The following RPS6KA4 variants were observed in gnomAD, a reference collection of about 807,000 sequenced individuals.
RPS6KA4 encodes ribosomal protein S6 kinase A4, also known as ribosomal protein S6 kinase alpha-4.
RPS6KA4 carries 38 observed loss-of-function variants against 89.6 expected under a neutral mutation model. The ratio of observed to expected loss-of-function variants is 0.42; its 90% CI spans 0.33 to 0.56. The LOEUF is 0.56. RPS6KA4 is among the 20% of genes least tolerant of loss of function. The probability of loss-of-function intolerance (pLI) is 0.07; values close to 1 mark genes in which losing one functional copy is unlikely to be tolerated. For synonymous variants in RPS6KA4, 495 were observed against 492.8 expected, an observed-to-expected ratio of 1.00 and a Z score of -0.06; for missense variants, 873 against 1,098.8, an observed-to-expected ratio of 0.79 and a Z score of 2.90.
rs11606081 is a variant in RPS6KA4 at position 64,370,403 on chromosome 11, T to C, written c.1957+19T>C. On this transcript the variant is annotated intron_variant, in intron 15 of 16. Coordinates refer to ENST00000334205, the MANE Select transcript of RPS6KA4 (RefSeq NM_003942.3). This position sits in a 1 kb window ranked among gnomAD's most constrained non-coding sequence, Gnocchi z 4.1. ...GTCCGAGGTGCGGAGCTGGAGGTCATAGACCATGGTTGGGGAGGGGGACGC... is the reference window on the plus strand; with the variant it reads ...GTCCGAGGTGCGGAGCTGGAGGTCACAGACCATGGTTGGGGAGGGGGACGC... 588,093 of 1,608,972 alleles carry C rather than the reference T, an allele frequency of 0.37. 111,845 individuals are homozygous for C. The highest frequency in any genetic ancestry group is 0.39 in the Non-Finnish European group (455,385 of 1,178,366).
chr11:64,361,516 C>G lies in RPS6KA4; in HGVS notation c.618C>G (p.Pro206=). The part of the protein sequence containing the change: ...SFCGTIEYMA[P]EIIRSKTGHG... ...GTGGCACCATCGAGTACATGGCCCC[C>G]GAAATCATCCGTAGCAAGACGGGGC... The change falls in exon 6 of 17, where the codon CCC becomes CCG. Residue 206 remains proline (P), a synonymous_variant. Coordinates refer to ENST00000334205, the MANE Select transcript of RPS6KA4 (RefSeq NM_003942.3). The surrounding 1 kb of genome is among the most constrained non-coding windows in gnomAD (Gnocchi z 4.7). The G allele has an allele frequency of 6.2e-7, 1 of 1,614,076 alleles. No homozygotes were observed. Among genetic ancestry groups the G allele is most frequent in the East Asian group, 2.2e-5 (1 of 44,876 alleles).
Position 64,370,551 on chromosome 11 carries a change from C to T in RPS6KA4, c.1958-12C>T. On this transcript the variant is annotated splice_polypyrimidine_tract_variant and intron_variant, in intron 15 of 16. Coordinates refer to ENST00000334205, the MANE Select transcript of RPS6KA4 (RefSeq NM_003942.3). The surrounding 1 kb of genome is among the most constrained non-coding windows in gnomAD (Gnocchi z 4.1). ...CCAGGCTCCTCCCCACACTTCCTTG[C>T]CCCGCCTCCAGGGCTCCTGACCGTG... is the stretch of plus-strand genomic sequence containing the variant. 6.3e-7 allele frequency: 1 copy of T among 1,591,474 alleles called. No homozygotes were observed. Among genetic ancestry groups the T allele is most frequent in the South Asian group, 1.1e-5 (1 of 89,506 alleles).
In RPS6KA4 at chr11:64,360,568, G is replaced by T. The variant is rs1212811493; in HGVS notation, c.438G>T (p.Val146=). ...AEVRVYGGEI[V]LALEHLHKLG... is the part of the protein sequence containing the mutation. ...TGCGCGTGTATGGGGGTGAGATCGT[G>T]CTGGCCCTGGAACACCTGCACAAGG... The change falls in exon 4 of 17, where the codon GTG becomes GTT. Residue 146 remains valine, a synonymous_variant. Transcript: ENST00000334205. 6.2e-7 allele frequency: 1 copy of T among 1,610,224 alleles called. No individual in the cohort carries two copies. The highest frequency in any genetic ancestry group is 1.1e-5 in the South Asian group (1 of 90,308).
Position 64,365,415 on chromosome 11 carries a change from G to A in RPS6KA4, c.1021G>A (p.Val341Ile). The A allele has an allele frequency of 1.2e-6, 2 of 1,614,112 alleles. No homozygotes were observed. The highest frequency in any genetic ancestry group is 1.7e-6 in the Non-Finnish European group (2 of 1,180,012). Reference protein sequence around the residue: ...FAEEFTRLEPVYSPPGSPPPG... With the variant: ...FAEEFTRLEPIYSPPGSPPPG... ...GGAGGAATTCACTCGGCTGGAGCCT[G>A]TCTACTCACCCCCTGGCAGCCCCCC... Residue 341 changes from valine (V) to isoleucine (I), a missense_variant, in exon 9 of 17, where the codon GTC becomes ATC. Coordinates refer to ENST00000334205, the MANE Select transcript of RPS6KA4 (RefSeq NM_003942.3).
intron 8 of RPS6KA4, 22 bp downstream of exon 8, chr11:64,362,024 A>G (rs760017577): frequency 1.9e-6 from 3 of 1,600,764 alleles, no homozygotes; most frequent in Non-Finnish European, 2.6e-6. Flanking sequence ...TCAGGGCCCC[A>G]TACCTCCTGG....
Position 64,370,723 on chromosome 11 carries a change from C to T in RPS6KA4, c.2118C>T (p.Phe706=), listed in dbSNP as rs749390644. ...PAVRSGLNAT[F]MAFNRGKREG... is the part of the protein sequence containing the mutation. The stretch of plus-strand genomic sequence containing the variant: ...TGCGCTCGGGTCTCAACGCCACCTT[C>T]ATGGTAAGGGGCAGGGTCTGTTGAA... The change falls in exon 16 of 17, where the codon TTC becomes TTT. Residue 706 remains phenylalanine, a synonymous_variant. Transcript: ENST00000334205. The surrounding 1 kb of genome is among the most constrained non-coding windows in gnomAD (Gnocchi z 4.1). 6.5e-6 allele frequency: 10 copies of T among 1,547,714 alleles called. No individual in the cohort carries two copies. In the South Asian group the frequency reaches 8.2e-5, roughly 13 times the overall value.
In RPS6KA4 at chr11:64,370,083, A is replaced by T. The variant is rs1470466623; in HGVS notation, c.1798-142A>T. On this transcript the variant is annotated intron_variant, in intron 14 of 16. Coordinates refer to ENST00000334205, the MANE Select transcript of RPS6KA4 (RefSeq NM_003942.3). The surrounding 1 kb of genome is among the most constrained non-coding windows in gnomAD (Gnocchi z 4.1). ...GGTGCTAGAGTCGGAGCATCCGGGTATTGGGGGTTAGAAGTCAGGGTTCAC... is the reference window on the plus strand; with the variant it reads ...GGTGCTAGAGTCGGAGCATCCGGGTTTTGGGGGTTAGAAGTCAGGGTTCAC... 2.1e-5 allele frequency: 23 copies of T among 1,071,060 alleles called. No homozygotes were observed. Among genetic ancestry groups the T allele is most frequent in the Non-Finnish European group, 3.0e-5 (23 of 766,320 alleles). The allele number at this position is 1,071,060 out of a possible 1,614,324, so 66.3% of individuals were successfully genotyped here.
intron 8 of RPS6KA4, 119 bp from the exon 9 acceptor site, chr11:64,365,182 A>C: frequency 8.3e-7 from 1 of 1,203,418 alleles, no homozygotes; most frequent in Non-Finnish European, 1.2e-6. Context: ...ACAGCTGCCC[A>C]CCCCAAATGC....
chr11:64,368,431 GCGCCGCCTT>G (rs1377755653), intron 10 of RPS6KA4, 28 bp from the exon 11 acceptor site: 1 of 1,543,260 alleles, frequency 6.5e-7, no homozygotes, highest in African/African-American at 1.4e-5. Context: ...GACCTCTGAC[GCGCCGCCTT>G]CGCCTTCGCC....
Position 64,361,565 on chromosome 11 carries a change from A to C in RPS6KA4, c.651+16A>C. ...GCATGGCAAGGTAGGTTGGCAGGGA[A>C]GTGGGGCTGGGGGAGGTGGAAAGGT... On this transcript the variant is annotated intron_variant, in intron 6 of 16. Transcript: ENST00000334205. This position sits in a 1 kb window ranked among gnomAD's most constrained non-coding sequence, Gnocchi z 4.7. 6.2e-7 allele frequency: 1 copy of C among 1,613,664 alleles called. No homozygotes were observed. The highest frequency in any genetic ancestry group is 8.5e-7 in the Non-Finnish European group (1 of 1,179,782).
intron 2 of RPS6KA4, 23 bp downstream of exon 2, chr11:64,359,472 C>T: frequency 6.2e-7 from 1 of 1,611,374 alleles, no homozygotes; most frequent in African/African-American, 1.3e-5. Flanking sequence ...ATCCACCGGG[C>T]AGGCGTCCCA....
At chr11:64,371,151 C>A in intron 16 of RPS6KA4, 132 bp from the exon 17 acceptor site, 2 of 675,652 alleles carry the variant, frequency 3.0e-6, no homozygotes, top group South Asian at 1.8e-5. Flanking sequence ...ATCCGGTGGT[C>A]GGTCTGGAGG....
At position 64,370,843 on chromosome 11, in the gene RPS6KA4, C is replaced by T. The variant is rs1204071923; in HGVS notation, c.2121+117C>T. 9 of 1,285,904 alleles carry T rather than the reference C, an allele frequency of 7.0e-6. No individual in the cohort carries two copies. Among genetic ancestry groups the T allele is most frequent in the Non-Finnish European group, 8.3e-6 (8 of 965,400 alleles). 79.7% of individuals were successfully genotyped at this position (1,285,904 alleles called of 1,614,324 possible). A position where few individuals can be genotyped will look rare whatever the true frequency, so the allele number is the denominator to read the frequency against. On this transcript the variant is annotated intron_variant, in intron 16 of 16. Transcript: ENST00000334205. This position sits in a 1 kb window ranked among gnomAD's most constrained non-coding sequence, Gnocchi z 4.1. ...AGGTGAGGCCGGGCGCGGTGGCTCA[C>T]GCCTGTAATCCCAGCGCTTTGGGAG...
intron 9 of RPS6KA4, among the ~76,000 whole-genome samples, chr11:64,367,436 G>C (rs547709760): frequency 6.6e-6 from 1 of 152,042 alleles, no homozygotes; most frequent in East Asian, 1.9e-4. Context: ...TCAGCCTCCC[G>C]AGTAGCTGGG....
intron 8 of RPS6KA4, 93 bp from the exon 9 acceptor site, chr11:64,365,208 C>G (rs2135335263): frequency 2.1e-6 from 3 of 1,461,354 alleles, no homozygotes; most frequent in East Asian, 4.6e-5. Context: ...GGGCCCTTGC[C>G]TCATGGAGGA....
chr11:64,368,632 G>A (rs754724960), intron 11 of RPS6KA4, 31 bp downstream of exon 11: 1 of 1,583,220 alleles, frequency 6.3e-7, no homozygotes, highest in Non-Finnish European at 8.6e-7. Flanking sequence ...GCAGGGGTGG[G>A]GGTGGCAGAG....
rs1160458687 is a variant in RPS6KA4, at chr11:64,359,251, G to A, written c.16G>A (p.Asp6Asn). MGDED[D>N]DESCAVELRI... ...CCCGCCCGCCATGGGGGACGAGGAC[G>A]ACGATGAGAGCTGCGCCGTGGAGCT... The change falls in exon 1 of 17, where the codon GAC becomes AAC. Residue 6 changes from aspartate (D) to asparagine (N), a missense_variant. By Grantham distance (23) the Asp-to-Asn change is conservative. Coordinates refer to ENST00000334205, the MANE Select transcript of RPS6KA4 (RefSeq NM_003942.3). 2 of 1,436,428 alleles carry A rather than the reference G, an allele frequency of 1.4e-6. No homozygotes were observed. Among genetic ancestry groups the A allele is most frequent in the Non-Finnish European group, 1.8e-6 (2 of 1,084,796 alleles). 89.0% of individuals were successfully genotyped at this position (1,436,428 alleles called of 1,614,324 possible).
At position 64,361,566 on chromosome 11, in the gene RPS6KA4, G is replaced by T; in HGVS notation, c.651+17G>T. 1 of 1,614,020 alleles carries T rather than the reference G, an allele frequency of 6.2e-7. No homozygotes were observed. Among genetic ancestry groups the T allele is most frequent in the Non-Finnish European group, 8.5e-7 (1 of 1,180,012 alleles). On this transcript the variant is annotated intron_variant, in intron 6 of 16. Transcript: ENST00000334205. This position sits in a 1 kb window ranked among gnomAD's most constrained non-coding sequence, Gnocchi z 4.7. ...CATGGCAAGGTAGGTTGGCAGGGAA[G>T]TGGGGCTGGGGGAGGTGGAAAGGTG...
In RPS6KA4 at chr11:64,370,771, G is replaced by C. The variant is rs537569673; in HGVS notation, c.2121+45G>C. 6 of 1,475,756 alleles carry C rather than the reference G, an allele frequency of 4.1e-6. No homozygotes were observed. The highest frequency in any genetic ancestry group is 4.4e-5 in the Admixed American group (2 of 45,190). The allele number at this position is 1,475,756 out of a possible 1,614,324, so 91.4% of individuals were successfully genotyped here. On this transcript the variant is annotated intron_variant, in intron 16 of 16. Transcript: ENST00000334205. The surrounding 1 kb of genome is among the most constrained non-coding windows in gnomAD (Gnocchi z 4.1). The stretch of plus-strand genomic sequence containing the variant: ...GAAGGGAAGGGGTGGGCGAAGCCTC[G>C]AGAGGTGGGGTCTGGGGAGGCCCGG...
Sources: gnomAD v4.1 joint callset for allele counts (sites outside exome capture counted in the v4.1 genomes callset) on GRCh38, gnomAD v4.1.1 for gene constraint, Gnocchi (gnomAD v3.1) non-coding constraint, MANE v1.5 for transcripts, NCBI Gene and HGNC (gene_info 2026-07-23, HGNC 2026-07-21) for gene names.